The following LPP variants were observed in gnomAD, a reference collection of about 807,000 sequenced individuals.
The protein encoded by LPP is LIM domain containing preferred translocation partner in lipoma.
A neutral mutation model predicts 60.4 loss-of-function variants in LPP; 38 were observed. The ratio of observed to expected loss-of-function variants is 0.63; its 90% CI spans 0.49 to 0.83. The LOEUF is 0.83. Among genes scored for constraint, LPP ranks in the 40% least tolerant of loss-of-function variants. The pLI is 0.00. For missense variants in LPP, 902 were observed against 783.6 expected (o/e 1.15, Z -1.80); for synonymous variants, 328 against 290.8 (o/e 1.13, Z -1.30).
chr3:188,636,661 T>G (rs1282553008), intron 7 of LPP, among the ~76,000 whole-genome samples: 1 of 152,098 alleles, frequency 6.6e-6, no homozygotes, highest in African/African-American at 2.4e-5. Flanking sequence ...TGTCCCTGTC[T>G]GACAGCTTTG....
intron 2 of LPP, among the ~76,000 whole-genome samples, chr3:188,335,302 T>G (rs192515750): frequency 1.1e-3 from 172 of 152,356 alleles, no homozygotes; most frequent in Admixed American, 1.4e-3. Flanking sequence ...TCATGGTTTT[T>G]GTACTTTGTT....
intron 4 of LPP, among the ~76,000 whole-genome samples, chr3:188,467,598 T>C (rs1579129343): frequency 6.6e-6 from 1 of 152,276 alleles, no homozygotes; most frequent in East Asian, 1.9e-4. Flanking sequence ...TCAGCTAACC[T>C]AAGATAATGA....
At chr3:188,775,055 G>GTT (rs58627957) in intron 9 of LPP, among the ~76,000 whole-genome samples, 91 of 136,698 alleles carry the variant, frequency 6.7e-4, no homozygotes, top group Admixed American at 2.8e-3. Flanking sequence ...CATGCTTAGT[G>GTT]TTTTTTTTTT....
intron 7 of LPP, among the ~76,000 whole-genome samples, chr3:188,639,702 C>A (rs980607510): frequency 2.6e-5 from 4 of 151,744 alleles, no homozygotes; most frequent in East Asian, 1.9e-4. Context: ...AAAAAGTGGG[C>A]GAAGGACATG....
chr3:188,702,119 G>A (rs1429113479), intron 7 of LPP, among the ~76,000 whole-genome samples: 1 of 151,518 alleles, frequency 6.6e-6, no homozygotes, highest in Non-Finnish European at 1.5e-5. Context: ...ACCATGCCCG[G>A]CTAATTTTTT....
intron 2 of LPP, among the ~76,000 whole-genome samples, chr3:188,251,262 T>C (rs962383135): frequency 5.3e-5 from 8 of 151,834 alleles, no homozygotes; most frequent in Admixed American, 3.3e-4. Flanking sequence ...TCCTGTGTCC[T>C]TGAGACATGT....
chr3:188,300,974 G>A lies in LPP; in HGVS notation c.-66-40689G>A, dbSNP rs969454477. On this transcript the variant is annotated intron_variant, in intron 2 of 11. Coordinates refer to ENST00000617246, the MANE Select transcript of LPP (RefSeq NM_001375462.1). ...TCCTAAGATTGATCTTTTTTGTCAT[G>A]GATTTATCCCTTTGTCTCTATGCAT... Among the ~76,000 whole-genome samples, 13 of 152,182 alleles carry A rather than the reference G, an allele frequency of 8.5e-5. No homozygotes were observed. The East Asian group carries it at 2.5e-3, about 29-fold the overall frequency.
At chr3:188,664,504 A>T (rs1405568594) in intron 7 of LPP, among the ~76,000 whole-genome samples, 3 of 152,184 alleles carry the variant, frequency 2.0e-5, no homozygotes, top group African/African-American at 7.2e-5. Context: ...GATTTACTCA[A>T]TGGCCTGATA....
intron 2 of LPP, among the ~76,000 whole-genome samples, chr3:188,337,457 T>C: frequency 6.6e-6 from 1 of 152,164 alleles, no homozygotes; most frequent in East Asian, 1.9e-4. Flanking sequence ...GGGATCCTTT[T>C]GTGTACCATT....
At chr3:188,265,429 GTC>G (rs1735150789) in intron 2 of LPP, among the ~76,000 whole-genome samples, 1 of 152,178 alleles carries the variant, frequency 6.6e-6, no homozygotes, top group Non-Finnish European at 1.5e-5. Flanking sequence ...GGAGACTGGT[GTC>G]TGGGGAAGGG....
chr3:188,730,077 A>G (rs1719887595), intron 8 of LPP, among the ~76,000 whole-genome samples: 2 of 152,260 alleles, frequency 1.3e-5, no homozygotes, highest in Non-Finnish European at 2.9e-5. Flanking sequence ...ATACACACAT[A>G]TAGATTTAAA....
At chr3:188,509,339 C>G (rs1365188999) in intron 5 of LPP, among the ~76,000 whole-genome samples, 1 of 152,140 alleles carries the variant, frequency 6.6e-6, no homozygotes, top group African/African-American at 2.4e-5. Flanking sequence ...ATTATTGCTC[C>G]CTTATTTCAT....
chr3:188,584,805 C>G (rs1370133633), intron 6 of LPP, among the ~76,000 whole-genome samples: 1 of 151,818 alleles, frequency 6.6e-6, no homozygotes, highest in East Asian at 1.9e-4. Flanking sequence ...CCCCAGATCT[C>G]TTCTTTTCTA....
rs9846438 is a variant in LPP at position 188,785,545 on chromosome 3, T to C, written c.1410+25263T>C. On this transcript the variant is annotated intron_variant, in intron 9 of 11. Coordinates refer to ENST00000617246, the MANE Select transcript of LPP (RefSeq NM_001375462.1). ...ATATATATATTCCATCATATATATA[T>C]ATACACACACACACACACACACACA... 1.6e-3 allele frequency among the ~76,000 whole-genome samples: 92 copies of C among 58,926 alleles called. 27 individuals are homozygous for C. The East Asian group carries it at 0.05, about 32-fold the overall frequency. 38.7% of individuals were successfully genotyped at this position (58,926 alleles called of 152,430 possible).
intron 5 of LPP, among the ~76,000 whole-genome samples, chr3:188,490,597 C>T (rs560919731): frequency 1.3e-5 from 2 of 151,988 alleles, no homozygotes; most frequent in South Asian, 2.1e-4. Flanking sequence ...CTCCTGACTT[C>T]GGGTGATCCG....
intron 6 of LPP, chr3:188,569,202 C>T (rs1041457514): frequency 2.6e-5 from 4 of 151,592 alleles, no homozygotes; most frequent in Non-Finnish European, 4.4e-5. Flanking sequence ...TTCGGAGAGC[C>T]GCTTACAATT....
At chr3:188,335,134 A>T (rs1007751859) in intron 2 of LPP, among the ~76,000 whole-genome samples, 7 of 152,208 alleles carry the variant, frequency 4.6e-5, no homozygotes, top group African/African-American at 1.7e-4. Flanking sequence ...AAACCTTTCA[A>T]TTTGAACGTG....
At chr3:188,227,194 T>C (rs1216603613) in intron 2 of LPP, among the ~76,000 whole-genome samples, 3 of 151,658 alleles carry the variant, frequency 2.0e-5, no homozygotes, top group Admixed American at 2.0e-4. Flanking sequence ...TATTTATTTA[T>C]TATTATTTAT....
Position 188,572,474 on chromosome 3 carries a change from G to T in LPP, c.430-36687G>T, listed in dbSNP as rs1471485395. ...GGTAGACACATTATTAGAGTTAAGG[G>T]TCCTAAGGCTTTTTAATGTGAGCAG... On this transcript the variant is annotated intron_variant, in intron 6 of 11. Transcript: ENST00000617246. The surrounding 1 kb of genome is among the most constrained non-coding windows in gnomAD (Gnocchi z 4.1). Among the ~76,000 whole-genome samples, 1 of 152,022 alleles carries T rather than the reference G, an allele frequency of 6.6e-6. No homozygotes were observed. The highest frequency in any genetic ancestry group is 1.5e-5 in the Non-Finnish European group (1 of 68,000).
Sources: gnomAD v4.1 joint callset for allele counts (sites outside exome capture counted in the v4.1 genomes callset) on GRCh38, gnomAD v4.1.1 for gene constraint, Gnocchi (gnomAD v3.1) non-coding constraint, MANE v1.5 for transcripts, NCBI Gene and HGNC (gene_info 2026-07-23, HGNC 2026-07-21) for gene names.